Variants in THSD4 observed in about 807,000 individuals in gnomAD.
THSD4 encodes the protein thrombospondin type-1 domain-containing protein 4.
A neutral mutation model predicts 119.0 loss-of-function variants in THSD4; 69 were observed. The ratio of observed to expected loss-of-function variants is 0.58; its 90% CI spans 0.48 to 0.71. The LOEUF (loss-of-function observed/expected upper bound fraction) is 0.71, where lower values mean the gene tolerates loss of function less well. Among genes scored for constraint, THSD4 ranks in the 30% least tolerant of loss-of-function variants. The probability of loss-of-function intolerance (pLI) is 0.00; values close to 1 mark genes in which losing one functional copy is unlikely to be tolerated. For synonymous variants in THSD4, 524 were observed against 540.4 expected (o/e 0.97, Z 0.42); for missense variants, 1,393 against 1,391.1 (o/e 1.00, Z -0.02).
In THSD4 at chr15:71,184,881, TAA is replaced by T. The variant is rs1488057970; in HGVS notation, c.99+29950_99+29951del. ...TTGTTGTTTTGTTTTGTTTTCATGT[TAA>T]TAATGTCACTGAGACCCACCCGCTC... On this transcript the variant is annotated intron_variant, in intron 3 of 17. Coordinates refer to ENST00000261862, the MANE Select transcript of THSD4 (RefSeq NM_024817.3). Among the ~76,000 whole-genome samples, 32 of 151,946 alleles carry T rather than the reference TAA, an allele frequency of 2.1e-4. 1 individual carries two copies. In the East Asian group the frequency reaches 6.2e-3, roughly 29 times the overall value.
intron 7 of THSD4, among the ~76,000 whole-genome samples, chr15:71,586,817 C>T (rs1224646633): frequency 6.6e-6 from 1 of 152,150 alleles, no homozygotes; most frequent in Non-Finnish European, 1.5e-5. Context: ...CTGCCTACCA[C>T]ACTATTCTGT....
At chr15:71,467,261 C>G (rs544518627) in intron 7 of THSD4, among the ~76,000 whole-genome samples, 4 of 152,174 alleles carry the variant, frequency 2.6e-5, no homozygotes, top group Non-Finnish European at 4.4e-5. Flanking sequence ...ATATCTCATC[C>G]ATCCTCGGTT....
chr15:71,627,007 C>A (rs2050522595), intron 7 of THSD4, among the ~76,000 whole-genome samples: 1 of 152,030 alleles, frequency 6.6e-6, no homozygotes, highest in Non-Finnish European at 1.5e-5. Context: ...TAGGAAGATT[C>A]TCTGTTATAT....
chr15:71,737,936 C>A lies in THSD4; in HGVS notation c.1835C>A (p.Pro612His), dbSNP rs1180254393. The A allele has an allele frequency of 2.5e-6, 4 of 1,614,164 alleles. No individual in the cohort carries two copies. The highest frequency in any genetic ancestry group is 3.4e-6 in the Non-Finnish European group (4 of 1,179,984). Residue 612 changes from proline (P) to histidine (H), a missense_variant, in exon 11 of 18, where the codon CCC becomes CAC. Physicochemically the swap from Pro to His is moderately conservative, Grantham distance 77. Transcript: ENST00000261862. The stretch of plus-strand genomic sequence containing the variant: ...AACTTGGTGCCACCAGCACCGCAGC[C>A]CCCACGGCGCAGCCGGGATCACAAC... ...PDNLVPPAPQ[P>H]PRRSRDHNWK...
intron 1 of THSD4, among the ~76,000 whole-genome samples, chr15:71,136,634 G>T (rs574544840): frequency 2.1e-4 from 32 of 152,160 alleles, no homozygotes; most frequent in Admixed American, 2.6e-4. Flanking sequence ...GTTGCTTTAG[G>T]CTGCGGGAGT....
At chr15:71,625,340 A>G (rs1027893787) in intron 7 of THSD4, among the ~76,000 whole-genome samples, 2 of 152,164 alleles carry the variant, frequency 1.3e-5, no homozygotes, top group African/African-American at 4.8e-5. Context: ...AAATCCATCT[A>G]TTCTACAGGG....
chr15:71,352,587 G>C (rs1361291792), intron 6 of THSD4, among the ~76,000 whole-genome samples: 1 of 152,188 alleles, frequency 6.6e-6, no homozygotes, highest in Non-Finnish European at 1.5e-5. Flanking sequence ...AGGATTGGCT[G>C]ATATAGTTGA....
intron 15 of THSD4, among the ~76,000 whole-genome samples, chr15:71,762,405 T>G (rs1223137576): frequency 6.6e-6 from 1 of 152,244 alleles, no homozygotes; most frequent in Non-Finnish European, 1.5e-5. Flanking sequence ...TAGGATCTCA[T>G]AGCATTGAGG....
intron 7 of THSD4, among the ~76,000 whole-genome samples, chr15:71,636,651 G>T (rs1007444062): frequency 6.6e-6 from 1 of 152,008 alleles, no homozygotes; most frequent in East Asian, 1.9e-4. Context: ...CTTCCTCTTG[G>T]CTCTTTGTCT....
chr15:71,397,651 T>G (rs1437875746), intron 6 of THSD4, among the ~76,000 whole-genome samples: 4 of 152,192 alleles, frequency 2.6e-5, no homozygotes, highest in Non-Finnish European at 5.9e-5. Flanking sequence ...GGAGAGAATA[T>G]GTACTCAGAG....
rs1056993049 is a variant in THSD4 at position 71,748,543 on chromosome 15, C to T, written c.2364C>T (p.Cys788=). 22 of 1,614,062 alleles carry T rather than the reference C, an allele frequency of 1.4e-5. No individual in the cohort carries two copies. The highest frequency in any genetic ancestry group is 1.0e-4 in the Admixed American group (6 of 60,008). Residue 788 remains cysteine (C), a synonymous_variant, in exon 14 of 18, where the codon TGC becomes TGT. Transcript: ENST00000261862. The part of the protein sequence containing the change: ...MKLRPNDIEN[C]DMGPCAKSWF... ...TCCGGCCGAATGACATTGAGAACTG[C>T]GACATGGGACCCTGTGCCAAGAGCT...
intron 7 of THSD4, among the ~76,000 whole-genome samples, chr15:71,480,528 A>C (rs531379899): frequency 6.6e-5 from 10 of 152,338 alleles, no homozygotes; most frequent in African/African-American, 2.2e-4. Flanking sequence ...AAAATAAGGC[A>C]GATAGAAATA....
intron 1 of THSD4, among the ~76,000 whole-genome samples, chr15:71,123,915 C>T (rs555628858): frequency 2.9e-4 from 44 of 152,320 alleles, no homozygotes; most frequent in Admixed American, 2.6e-3. Flanking sequence ...CATAGCTTTG[C>T]TTTGCTGTTG....
chr15:71,355,032 A>G (rs1316548451), intron 6 of THSD4, among the ~76,000 whole-genome samples: 1 of 152,210 alleles, frequency 6.6e-6, no homozygotes, highest in Non-Finnish European at 1.5e-5. Flanking sequence ...TTGTTTTAAC[A>G]TGGAAGCATT....
chr15:71,451,213 G>A (rs549588871), intron 7 of THSD4, among the ~76,000 whole-genome samples: 17 of 152,256 alleles, frequency 1.1e-4, no homozygotes, highest in African/African-American at 3.1e-4. Context: ...GGGTGGTAGC[G>A]ACACAAGTTA....
intron 7 of THSD4, among the ~76,000 whole-genome samples, chr15:71,628,372 C>T (rs1595803221): frequency 6.6e-6 from 1 of 152,256 alleles, no homozygotes; most frequent in East Asian, 1.9e-4. Flanking sequence ...CATAGCAACC[C>T]TATGCATTAT....
chr15:71,667,481 A>G (rs1486557369), intron 8 of THSD4, among the ~76,000 whole-genome samples: 3 of 152,218 alleles, frequency 2.0e-5, no homozygotes, highest in African/African-American at 7.2e-5. Flanking sequence ...TTAGATTGTC[A>G]TAGAGTTTTA....
At chr15:71,661,514 G>T (rs888823341) in intron 8 of THSD4, among the ~76,000 whole-genome samples, 1 of 151,634 alleles carries the variant, frequency 6.6e-6, no homozygotes, top group Non-Finnish European at 1.5e-5. Flanking sequence ...TCCTGCCTCA[G>T]CCTCCCGAGT....
intron 6 of THSD4, among the ~76,000 whole-genome samples, chr15:71,391,074 G>T (rs2046371454): frequency 6.7e-6 from 1 of 150,092 alleles, no homozygotes; most frequent in Admixed American, 6.6e-5. Flanking sequence ...TGTCGCCCAG[G>T]CTGGAGTGCA....
Sources: allele counts gnomAD v4.1 joint callset (sites outside exome capture counted in the v4.1 genomes callset), GRCh38; gene constraint gnomAD v4.1.1; transcripts MANE v1.5; gene names NCBI Gene and HGNC (gene_info 2026-07-23, HGNC 2026-07-21).